Variants in USP45 observed in about 807,000 individuals in gnomAD.
The protein encoded by USP45 is ubiquitin specific peptidase 45, also known as ubiquitin carboxyl-terminal hydrolase 45.
Under a neutral mutation model 95.8 loss-of-function variants are expected in USP45, and 89 were observed. That is an observed-to-expected ratio of 0.93 (90% CI 0.78 to 1.11). USP45 has a LOEUF of 1.11. Among genes scored for constraint, USP45 ranks in the 50% least tolerant of loss-of-function variants. USP45 has a pLI of 0.00. For missense variants in USP45, 898 were observed against 942.5 expected, an observed-to-expected ratio of 0.95 and a Z score of 0.62; for synonymous variants, 281 against 316.2, an observed-to-expected ratio of 0.89 and a Z score of 1.18.
intron 5 of USP45, among the ~76,000 whole-genome samples, chr6:99,500,296 T>G (rs1248739557): frequency 2.0e-5 from 3 of 152,138 alleles, no homozygotes; most frequent in Non-Finnish European, 2.9e-5. Context: ...AGCTAATTTT[T>G]GTATTTTTAG....
At chr6:99,437,591 A>G (rs1433450057) in intron 16 of USP45, among the ~76,000 whole-genome samples, 192 bp from the exon 17 acceptor site, 3 of 152,200 alleles carry the variant, frequency 2.0e-5, no homozygotes, top group African/African-American at 7.2e-5. Context: ...TGGGGAAAAG[A>G]GCACTCACAC....
At chr6:99,501,186 GC>G (rs10716827) in intron 5 of USP45, among the ~76,000 whole-genome samples, 2,843 of 139,142 alleles carry the variant, frequency 0.02, 86 homozygotes, top group African/African-American at 0.073. Flanking sequence ...CCTCTCACCT[GC>G]CCCCCCACAA....
intron 13 of USP45, among the ~76,000 whole-genome samples, chr6:99,453,173 G>GA (rs35773193): frequency 0.11 from 15,358 of 140,670 alleles, 1,356 homozygotes; most frequent in East Asian, 0.49. Flanking sequence ...ACTTAAAAAA[G>GA]AAAAAAAAAA....
intron 1 of USP45, chr6:99,514,853 C>T (rs1473084475): frequency 6.6e-6 from 1 of 152,242 alleles, no homozygotes; most frequent in Non-Finnish European, 1.5e-5. Flanking sequence ...CTCACAACCA[C>T]CTTAGGAGAT....
At chr6:99,503,326 ATTTTT>A (rs201520980) in intron 5 of USP45, among the ~76,000 whole-genome samples, 1 of 144,106 alleles carries the variant, frequency 6.9e-6, no homozygotes, top group Non-Finnish European at 1.5e-5. Flanking sequence ...GATACTCATA[ATTTTT>A]TTTTTTTTTT....
Position 99,460,856 on chromosome 6 carries a change from T to A in USP45, c.1308+3748A>T, listed in dbSNP as rs919793885. ...TAAAAAGAAAACAGAGGAAATAAGA[T>A]GGAACACAAAAATTATTCAATTAAA... On this transcript the variant is annotated intron_variant, in intron 13 of 17. Coordinates refer to ENST00000500704, the MANE Select transcript of USP45 (RefSeq NM_001346022.3). 3 of 977,202 alleles carry A rather than the reference T, an allele frequency of 3.1e-6. No individual in the cohort carries two copies. The South Asian group carries it at 1.4e-4, about 46-fold the overall frequency. The allele number at this position is 977,202 out of a possible 1,614,324, so 60.5% of individuals were successfully genotyped here.
intron 13 of USP45, chr6:99,460,704 G>A: frequency 1.2e-6 from 1 of 823,310 alleles, no homozygotes; most frequent in Non-Finnish European, 1.5e-6. Flanking sequence ...TAAAATAATA[G>A]AAAGATTGAA....
chr6:99,504,931 G>A (rs1798183310), intron 4 of USP45, among the ~76,000 whole-genome samples: 1 of 152,102 alleles, frequency 6.6e-6, no homozygotes, highest in African/African-American at 2.4e-5. Context: ...TGGCCTAGAC[G>A]AAACAAGACT....
chr6:99,476,196 T>G lies in USP45; in HGVS notation c.880A>C (p.Ser294Arg). 1.9e-6 allele frequency: 3 copies of G among 1,614,092 alleles called. No homozygotes were observed. The highest frequency in any genetic ancestry group is 2.2e-5 in the South Asian group (2 of 91,088). Residue 294 changes from serine (S) to arginine (R), a missense_variant, in exon 9 of 18, where the codon AGT becomes CGT. By Grantham distance (110) the Ser-to-Arg change is moderately radical (BLOSUM62 -1). Transcript: ENST00000500704. ...PRFKDFQQQDSQELLHYLLDA... is the reference protein window; with the variant it reads ...PRFKDFQQQDRQELLHYLLDA... ...AGAAGATAATGAAGAAGCTCCTGAC[T>G]GTCCTGTTGCTGGAAATCTTTAAAT...
At chr6:99,492,516 T>C (rs1795404648) in intron 5 of USP45, among the ~76,000 whole-genome samples, 2 of 151,794 alleles carry the variant, frequency 1.3e-5, no homozygotes, top group South Asian at 4.2e-4. Flanking sequence ...TTTTTTGAGA[T>C]AGAGTCTTGC....
chr6:99,457,294 C>T (rs1355543141), intron 13 of USP45, among the ~76,000 whole-genome samples: 1 of 152,166 alleles, frequency 6.6e-6, no homozygotes, highest in East Asian at 1.9e-4. Context: ...ACTCCCTCCC[C>T]TTTTGAAAAT....
At chr6:99,443,465 A>G (rs911239490) in intron 15 of USP45, 100 bp downstream of exon 15, 15 of 705,664 alleles carry the variant, frequency 2.1e-5, no homozygotes, top group South Asian at 8.9e-5. Flanking sequence ...TTAAAATGCA[A>G]TAAGTTACTG....
At chr6:99,490,455 C>T (rs923969270) in intron 5 of USP45, among the ~76,000 whole-genome samples, 1 of 151,976 alleles carries the variant, frequency 6.6e-6, no homozygotes, top group South Asian at 2.1e-4. Flanking sequence ...GCTGGAATTA[C>T]AGGTGTGAGC....
chr6:99,508,574 T>G (rs777854876), intron 3 of USP45, 36 bp downstream of exon 3: 1 of 1,582,134 alleles, frequency 6.3e-7, no homozygotes, highest in Non-Finnish European at 8.6e-7. Context: ...GGAAAACATT[T>G]CAGACAAACT....
chr6:99,464,448 A>G (rs1469000835), intron 13 of USP45, among the ~76,000 whole-genome samples, 156 bp downstream of exon 13: 1 of 152,194 alleles, frequency 6.6e-6, no homozygotes, highest in Admixed American at 6.5e-5. Context: ...TGGGATATAT[A>G]TAGTTAGTAT....
chr6:99,468,569 G>A lies in USP45; in HGVS notation c.983C>T (p.Thr328Ile), dbSNP rs758294643. Residue 328 changes from threonine (T) to isoleucine (I), a missense_variant, in exon 10 of 18, where the codon ACT becomes ATT. Physicochemically the swap from Thr to Ile is moderately conservative, Grantham distance 89. Coordinates refer to ENST00000500704, the MANE Select transcript of USP45 (RefSeq NM_001346022.3). ...TTTTTTTCTAGTTTCATCATCAGCA[G>A]TTTTAGTAGTTGGGTTGTTAAATGC... is the stretch of plus-strand genomic sequence containing the variant. ...LKAFNNPTTK[T>I]ADDETRKKVK... 9 of 1,609,418 alleles carry A rather than the reference G, an allele frequency of 5.6e-6. No homozygotes were observed. The Admixed American group carries it at 6.7e-5, about 12-fold the overall frequency.
At chr6:99,492,782 G>A (rs558829794) in intron 5 of USP45, among the ~76,000 whole-genome samples, 40 of 152,102 alleles carry the variant, frequency 2.6e-4, no homozygotes, top group Middle Eastern at 3.4e-3. Context: ...GTGAGGCCCC[G>A]CACTTGGCCA....
rs780535112 is a variant in USP45, at chr6:99,445,854, G to A, written c.1918C>T (p.Leu640=). 1.2e-6 allele frequency: 2 copies of A among 1,605,922 alleles called. No individual in the cohort carries two copies. Among genetic ancestry groups the A allele is most frequent in the East Asian group, 2.2e-5 (1 of 44,820 alleles). ...TTGTTTTTAGTACAATTCTCACATA[G>A]AAGCTTATTATTCCCCATTAGTAAT... is the stretch of plus-strand genomic sequence containing the variant. ...MELLMGNNKL[L]CENCTKNKQK... Residue 640 remains leucine (L), a synonymous_variant, in exon 14 of 18, where the codon CTA becomes TTA. Transcript: ENST00000500704.
intron 1 of USP45, among the ~76,000 whole-genome samples, chr6:99,513,372 C>A (rs1800364169): frequency 6.6e-6 from 1 of 152,168 alleles, no homozygotes; most frequent in Non-Finnish European, 1.5e-5. Context: ...ACTAACTTAC[C>A]AAAAACTGAT....
Sources: allele counts gnomAD v4.1 joint callset (sites outside exome capture counted in the v4.1 genomes callset), GRCh38; gene constraint gnomAD v4.1.1; transcripts MANE v1.5; gene names NCBI Gene and HGNC (gene_info 2026-07-23, HGNC 2026-07-21).